ATP8A2: variants seen among roughly 807,000 people sequenced by gnomAD.
The protein encoded by ATP8A2 is ATPase phospholipid transporting 8A2.
ATP8A2 carries 100 observed loss-of-function variants against 165.6 expected under a neutral mutation model. The ratio of observed to expected loss-of-function variants is 0.60; its 90% CI spans 0.51 to 0.71. The LOEUF is 0.71. Among genes scored for constraint, ATP8A2 ranks in the 30% least tolerant of loss-of-function variants. The pLI is 0.00. For missense variants in ATP8A2, 1,227 were observed against 1,479.5 expected (o/e 0.83, Z 2.80); for synonymous variants, 543 against 548.8 (o/e 0.99, Z 0.15).
At chr13:25,812,916 C>A (rs75889602) in intron 27 of ATP8A2, among the ~76,000 whole-genome samples, 1 of 152,240 alleles carries the variant, frequency 6.6e-6, no homozygotes, top group East Asian at 1.9e-4. Flanking sequence ...GGAATGAGAT[C>A]ATGTCCTTTG....
At chr13:25,729,021 C>G (rs188663580) in intron 25 of ATP8A2, among the ~76,000 whole-genome samples, 1 of 152,062 alleles carries the variant, frequency 6.6e-6, no homozygotes, top group Admixed American at 6.6e-5. Flanking sequence ...TCAGAGCTAA[C>G]CTTGGAGTGG....
At position 25,927,105 on chromosome 13, in the gene ATP8A2, C is replaced by T. The variant is rs771447844; in HGVS notation, c.3184-34470C>T. On this transcript the variant is annotated intron_variant, in intron 33 of 36. Coordinates refer to ENST00000381655, the MANE Select transcript of ATP8A2 (RefSeq NM_016529.6). The stretch of plus-strand genomic sequence containing the variant: ...TCATTCATTCACCTTCTTCCCTTTC[C>T]TGTAGCTCACATGCATGGTTTGTCC... The T allele has an allele frequency of 1.1e-5, 5 of 456,300 alleles. 1 individual carries two copies. Among genetic ancestry groups the T allele is most frequent in the South Asian group, 7.7e-5 (5 of 64,538 alleles). 28.3% of individuals were successfully genotyped at this position (456,300 alleles called of 1,614,324 possible).
At chr13:25,419,495 T>C (rs2034234763) in intron 1 of ATP8A2, among the ~76,000 whole-genome samples, 2 of 126,892 alleles carry the variant, frequency 1.6e-5, no homozygotes, top group African/African-American at 4.0e-5. Flanking sequence ...ATTTTTATGC[T>C]GTTTTAGCAT....
At chr13:25,776,013 A>G (rs111993010) in intron 27 of ATP8A2, among the ~76,000 whole-genome samples, 5,033 of 152,336 alleles carry the variant, frequency 0.033, 150 homozygotes, top group Non-Finnish European at 0.045. Flanking sequence ...AAACTACTAA[A>G]GAGTGATTTC....
intron 16 of ATP8A2, 24 bp from the exon 17 acceptor site, chr13:25,570,743 A>C: frequency 1.3e-6 from 2 of 1,595,858 alleles, no homozygotes; most frequent in Non-Finnish European, 1.7e-6. Context: ...TGTATCTGAC[A>C]CTAATCCCGC....
chr13:25,616,851 C>T (rs1282859029), intron 24 of ATP8A2, among the ~76,000 whole-genome samples: 1 of 152,162 alleles, frequency 6.6e-6, no homozygotes, highest in South Asian at 2.1e-4. Context: ...GTTGTGCAGA[C>T]TGGTGCATGT....
intron 29 of ATP8A2, among the ~76,000 whole-genome samples, 163 bp from the exon 30 acceptor site, chr13:25,839,383 G>A (rs1593429966): frequency 6.6e-6 from 1 of 151,294 alleles, no homozygotes; most frequent in Non-Finnish European, 1.5e-5. Flanking sequence ...TTAAATAATC[G>A]ATTTGGGTGG....
intron 1 of ATP8A2, among the ~76,000 whole-genome samples, chr13:25,392,771 A>C (rs2033291569): frequency 2.0e-5 from 3 of 152,106 alleles, no homozygotes. Context: ...TTGCTTGAAT[A>C]AACTTTTAAA....
intron 1 of ATP8A2, among the ~76,000 whole-genome samples, chr13:25,430,430 G>A (rs1425388624): frequency 6.6e-6 from 1 of 152,156 alleles, no homozygotes; most frequent in Admixed American, 6.5e-5. Context: ...AGGAGTGGTT[G>A]TGCACGGCTG....
chr13:25,805,547 A>G (rs1950716390), intron 27 of ATP8A2, among the ~76,000 whole-genome samples: 1 of 152,196 alleles, frequency 6.6e-6, no homozygotes, highest in Admixed American at 6.5e-5. Flanking sequence ...ACAAAGTAAG[A>G]TATCTTTTGT....
At chr13:26,000,650 T>G (rs1361349545) in intron 35 of ATP8A2, among the ~76,000 whole-genome samples, 1 of 143,696 alleles carries the variant, frequency 7.0e-6, no homozygotes, top group Non-Finnish European at 1.5e-5. Flanking sequence ...CACAACACCT[T>G]TCATAGCAAT....
intron 1 of ATP8A2, among the ~76,000 whole-genome samples, chr13:25,395,631 G>A (rs6491047): frequency 0.29 from 44,033 of 151,878 alleles, 7,333 homozygotes; most frequent in African/African-American, 0.45. Flanking sequence ...GAACTCCTGG[G>A]CTCAAACGAT....
At chr13:25,510,837 C>T (rs1358280052) in intron 2 of ATP8A2, among the ~76,000 whole-genome samples, 1 of 152,214 alleles carries the variant, frequency 6.6e-6, no homozygotes, top group African/African-American at 2.4e-5. Context: ...TGTCCCTTGA[C>T]AGTTATATCT....
chr13:25,994,794 T>A (rs991786749), intron 35 of ATP8A2, among the ~76,000 whole-genome samples: 5 of 152,286 alleles, frequency 3.3e-5, no homozygotes, highest in African/African-American at 1.2e-4. Flanking sequence ...TCAGGTTTTT[T>A]TGCATCTATG....
chr13:25,521,657 G>A (rs761376434), intron 2 of ATP8A2, among the ~76,000 whole-genome samples: 14 of 152,002 alleles, frequency 9.2e-5, no homozygotes, highest in Admixed American at 3.3e-4. Context: ...TGTTCTTAGC[G>A]CCTTTGTTAA....
intron 24 of ATP8A2, among the ~76,000 whole-genome samples, chr13:25,651,285 A>C (rs1266320150): frequency 6.6e-6 from 1 of 152,264 alleles, no homozygotes; most frequent in East Asian, 1.9e-4. Flanking sequence ...TCTACTAAAA[A>C]TACAAAAATT....
chr13:25,428,028 A>G (rs1254654496), intron 1 of ATP8A2, among the ~76,000 whole-genome samples: 2 of 152,110 alleles, frequency 1.3e-5, no homozygotes, highest in African/African-American at 2.4e-5. Flanking sequence ...TACAAAAATT[A>G]CAAAAATTAG....
Position 25,839,590 on chromosome 13 carries a change from C to T in ATP8A2, c.2922C>T (p.Ile974=). The T allele has an allele frequency of 6.2e-7, 1 of 1,614,082 alleles. No individual in the cohort carries two copies. Among genetic ancestry groups the T allele is most frequent in the Non-Finnish European group, 8.5e-7 (1 of 1,179,974 alleles). ...TCAACGCCTTGGTCCACTCCCTCAT[C>T]CTCTTCTGGTTTCCCATGAAAGCTC... ...HCINALVHSL[I]LFWFPMKALE... Residue 974 remains isoleucine, a synonymous_variant, in exon 30 of 37, where the codon ATC becomes ATT. Transcript: ENST00000381655.
rs147696248 is a variant in ATP8A2 at position 25,801,015 on chromosome 13, C to T, written c.2679+26056C>T. Among the ~76,000 whole-genome samples the T allele has an allele frequency of 6.4e-3, 973 of 152,232 alleles. 3 individuals are homozygous for T. Among genetic ancestry groups the T allele is most frequent in the Non-Finnish European group, 9.6e-3 (656 of 68,002 alleles). On this transcript the variant is annotated intron_variant, in intron 27 of 36. Transcript: ENST00000381655. ...CCAGGCAGCCGTGGAAACTGAAATCCGAGCCCTAATCTTGCTCAGAGCTGC... is the reference window on the plus strand; with the variant it reads ...CCAGGCAGCCGTGGAAACTGAAATCTGAGCCCTAATCTTGCTCAGAGCTGC...
Sources: gnomAD v4.1 joint callset for allele counts (sites outside exome capture counted in the v4.1 genomes callset) on GRCh38, gnomAD v4.1.1 for gene constraint, MANE v1.5 for transcripts, NCBI Gene and HGNC (gene_info 2026-07-23, HGNC 2026-07-21) for gene names.